MRPS28: variants seen among roughly 807,000 people sequenced by gnomAD.
MRPS28 encodes mitochondrial ribosomal protein S28.
In MRPS28, 7 loss-of-function variants were observed where a neutral mutation model predicts 10.8. The observed-to-expected ratio is 0.65, with a 90% CI of 0.37 to 1.22. The LOEUF (loss-of-function observed/expected upper bound fraction) is 1.22, where lower values mean the gene tolerates loss of function less well. Among genes scored for constraint, MRPS28 ranks in the 50% most tolerant of loss-of-function variants. MRPS28 has a pLI of 0.02. For synonymous variants in MRPS28, 121 were observed against 93.3 expected (o/e 1.30, Z -1.71); for missense variants, 265 against 232.9 (o/e 1.14, Z -0.90).
At chr8:79,980,754 C>T (rs147674129) in intron 2 of MRPS28, among the ~76,000 whole-genome samples, 7 of 152,122 alleles carry the variant, frequency 4.6e-5, no homozygotes, top group Non-Finnish European at 7.4e-5. Context: ...GGCACTATGC[C>T]GGACATTTAA....
At chr8:79,998,726 G>A (rs998136432) in intron 2 of MRPS28, among the ~76,000 whole-genome samples, 1 of 152,118 alleles carries the variant, frequency 6.6e-6, no homozygotes, top group African/African-American at 2.4e-5. Context: ...CAAAACTCTA[G>A]GGCGTTTTGG....
chr8:79,970,926 T>C (rs138066638), intron 2 of MRPS28, among the ~76,000 whole-genome samples: 1 of 152,352 alleles, frequency 6.6e-6, no homozygotes, highest in Admixed American at 6.5e-5. Flanking sequence ...TGGCACCACA[T>C]GTATTGTTTG....
intron 1 of MRPS28, among the ~76,000 whole-genome samples, chr8:80,012,503 T>G (rs1388604263): frequency 3.3e-5 from 5 of 152,204 alleles, no homozygotes; most frequent in Non-Finnish European, 7.3e-5. Context: ...CATGCTGATA[T>G]AGACTGCAGA....
intron 1 of MRPS28, among the ~76,000 whole-genome samples, chr8:80,020,664 T>C (rs1228192761): frequency 2.6e-5 from 4 of 152,188 alleles, no homozygotes; most frequent in Non-Finnish European, 5.9e-5. Flanking sequence ...CGTTGCAATC[T>C]ATACTAGGGA....
intron 1 of MRPS28, among the ~76,000 whole-genome samples, chr8:80,012,501 T>TATAG (rs1484359880): frequency 6.6e-6 from 1 of 152,194 alleles, no homozygotes; most frequent in African/African-American, 2.4e-5. Flanking sequence ...CTCATGCTGA[T>TATAG]ATAGACTGCA....
At chr8:79,933,439 A>G (rs1026954008) in intron 2 of MRPS28, among the ~76,000 whole-genome samples, 2 of 152,230 alleles carry the variant, frequency 1.3e-5, no homozygotes, top group African/African-American at 4.8e-5. Flanking sequence ...CTCCAAATAC[A>G]GTCACGCTGG....
chr8:79,982,244 C>G (rs1346482694), intron 2 of MRPS28, among the ~76,000 whole-genome samples: 1 of 152,070 alleles, frequency 6.6e-6, no homozygotes, highest in Non-Finnish European at 1.5e-5. Context: ...GAGACTCCAT[C>G]TCAAAAAAGA....
chr8:80,014,884 C>A (rs1167118150), intron 1 of MRPS28, among the ~76,000 whole-genome samples: 1 of 152,140 alleles, frequency 6.6e-6, no homozygotes, highest in African/African-American at 2.4e-5. Flanking sequence ...ACTGAAAAAT[C>A]AACAACTCTT....
rs998404348 is a variant in MRPS28, at chr8:79,919,043, T to G, written c.501A>C (p.Ala167=). The G allele has an allele frequency of 1.2e-6, 2 of 1,602,384 alleles. No individual in the cohort carries two copies. Among genetic ancestry groups the G allele is most frequent in the African/African-American group, 2.7e-5 (2 of 74,480 alleles). Residue 167 remains alanine (A), a synonymous_variant, in exon 3 of 3, where the codon GCA becomes GCC. Coordinates refer to ENST00000276585, the MANE Select transcript of MRPS28 (RefSeq NM_014018.3). Reference sequence around the variant, plus strand: ...TACTCTCCTGGATTCCCAAGAGAACTGCATTAGCCTCTAGTACAGTTGTAT... The same window carrying G: ...TACTCTCCTGGATTCCCAAGAGAACGGCATTAGCCTCTAGTACAGTTGTAT... ...TTDTTVLEAN[A]VLLGIQESKD...
chr8:80,004,916 TGAGAA>T lies in MRPS28; in HGVS notation c.214-1741_214-1737del, dbSNP rs369191019. Among the ~76,000 whole-genome samples, 1,021 of 151,970 alleles carry T rather than the reference TGAGAA, an allele frequency of 6.7e-3. 6 individuals carry two copies. Among genetic ancestry groups the T allele is most frequent in the Middle Eastern group, 0.014 (4 of 294 alleles). On this transcript the variant is annotated intron_variant, in intron 1 of 2. Coordinates refer to ENST00000276585, the MANE Select transcript of MRPS28 (RefSeq NM_014018.3). The stretch of plus-strand genomic sequence containing the variant: ...TGAAGATCAAATTAATGAAAGGAAG[TGAGAA>T]GAGAAGTTTAGAGGAAGAAAAGTAA...
At chr8:79,952,120 C>T (rs944245559) in intron 2 of MRPS28, among the ~76,000 whole-genome samples, 4 of 152,148 alleles carry the variant, frequency 2.6e-5, no homozygotes, top group Non-Finnish European at 5.9e-5. Flanking sequence ...TCTTGAATCC[C>T]CCTTCCTCCA....
chr8:79,994,453 C>T (rs1478852869), intron 2 of MRPS28, among the ~76,000 whole-genome samples: 4 of 152,156 alleles, frequency 2.6e-5, no homozygotes, highest in African/African-American at 9.7e-5. Context: ...CACAACCCAA[C>T]TCACTACCCA....
At chr8:79,937,399 G>T (rs947146499) in intron 2 of MRPS28, among the ~76,000 whole-genome samples, 1 of 152,124 alleles carries the variant, frequency 6.6e-6, no homozygotes, top group Non-Finnish European at 1.5e-5. Flanking sequence ...GCGACTGGGG[G>T]CAGAAAAATC....
chr8:80,010,969 TACA>T (rs2130193932), intron 1 of MRPS28, among the ~76,000 whole-genome samples: 1 of 152,254 alleles, frequency 6.6e-6, no homozygotes, highest in South Asian at 2.1e-4. Flanking sequence ...ATCCACAAAA[TACA>T]ACATTAAAGG....
At chr8:79,980,791 A>C (rs1259984192) in intron 2 of MRPS28, among the ~76,000 whole-genome samples, 1 of 152,216 alleles carries the variant, frequency 6.6e-6, no homozygotes, top group Non-Finnish European at 1.5e-5. Flanking sequence ...AATATGCAGC[A>C]CATGTTGATT....
At chr8:79,977,049 T>C (rs1454947271) in intron 2 of MRPS28, among the ~76,000 whole-genome samples, 2 of 152,188 alleles carry the variant, frequency 1.3e-5, no homozygotes, top group South Asian at 2.1e-4. Flanking sequence ...AATTATGATA[T>C]ATTCAATGAT....
chr8:80,021,635 T>C (rs575155931), intron 1 of MRPS28, among the ~76,000 whole-genome samples: 60 of 152,312 alleles, frequency 3.9e-4, no homozygotes, highest in Non-Finnish European at 7.6e-4. Context: ...TTCTTGGATT[T>C]TTCTGGTATT....
chr8:79,946,224 T>A (rs959109444), intron 2 of MRPS28, among the ~76,000 whole-genome samples: 15 of 152,166 alleles, frequency 9.9e-5, no homozygotes, highest in African/African-American at 3.6e-4. Flanking sequence ...AAATGTCCCA[T>A]CTTGACTATG....
intron 2 of MRPS28, among the ~76,000 whole-genome samples, chr8:79,947,812 T>G (rs1378810826): frequency 6.6e-6 from 1 of 151,190 alleles, no homozygotes; most frequent in Non-Finnish European, 1.5e-5. Flanking sequence ...TTTTTTTTTG[T>G]ATTTTTAGTA....
Sources: gnomAD v4.1 joint callset for allele counts (sites outside exome capture counted in the v4.1 genomes callset) on GRCh38, gnomAD v4.1.1 for gene constraint, MANE v1.5 for transcripts, NCBI Gene and HGNC (gene_info 2026-07-23, HGNC 2026-07-21) for gene names.